The following PCNX1 variants were observed in gnomAD, a reference collection of about 807,000 sequenced individuals.
PCNX1 encodes pecanex-like protein 1.
Under a neutral mutation model 242.2 loss-of-function variants are expected in PCNX1, and 78 were observed. That is an observed-to-expected ratio of 0.32 (90% CI 0.27 to 0.39). The LOEUF (loss-of-function observed/expected upper bound fraction) is 0.39. Among genes scored for constraint, PCNX1 ranks in the 10% least tolerant of loss-of-function variants. The pLI is 1.00. For missense variants in PCNX1, 2,581 were observed against 2,856.5 expected, an observed-to-expected ratio of 0.90 and a Z score of 2.20; for synonymous variants, 1,024 against 1,032.9, an observed-to-expected ratio of 0.99 and a Z score of 0.17.
intron 24 of PCNX1, among the ~76,000 whole-genome samples, chr14:71,054,439 G>A (rs1222317759): frequency 1.3e-5 from 2 of 152,166 alleles, no homozygotes; most frequent in East Asian, 3.8e-4. Flanking sequence ...TTATTGGGAA[G>A]TTGTCAAGCT....
At chr14:70,966,119 A>G (rs1370837028) in intron 3 of PCNX1, among the ~76,000 whole-genome samples, 5 of 152,186 alleles carry the variant, frequency 3.3e-5, no homozygotes, top group Admixed American at 1.3e-4. Flanking sequence ...TGGATATACT[A>G]TAGTTTATAT....
intron 11 of PCNX1, among the ~76,000 whole-genome samples, chr14:71,015,862 A>G (rs2059949849): frequency 6.6e-6 from 1 of 152,020 alleles, no homozygotes; most frequent in African/African-American, 2.4e-5. Context: ...AAAGAACAAC[A>G]CTCAACTCCA....
rs151002767 is a variant in PCNX1 at position 70,953,738 on chromosome 14, C to G, written c.362+6615C>G. 8.6e-3 allele frequency among the ~76,000 whole-genome samples: 1,282 copies of G among 148,528 alleles called. 25 individuals are homozygous for G. The highest frequency in any genetic ancestry group is 0.03 in the African/African-American group (1,208 of 40,248). ...AAGCTGGAGTGCAGTGGCACAGTCT[C>G]AGCTCACTGCAACCTCTGCCTCCTG... On this transcript the variant is annotated intron_variant, in intron 2 of 35. Transcript: ENST00000304743.
intron 2 of PCNX1, among the ~76,000 whole-genome samples, chr14:70,950,527 C>T (rs2057734501): frequency 1.3e-5 from 2 of 152,078 alleles, no homozygotes; most frequent in South Asian, 4.1e-4. Flanking sequence ...ATGCTATGCA[C>T]ATTTATAAGT....
intron 1 of PCNX1, among the ~76,000 whole-genome samples, chr14:70,936,722 G>A (rs558988006): frequency 6.6e-6 from 1 of 152,298 alleles, no homozygotes; most frequent in South Asian, 2.1e-4. Context: ...CTTCCACAAT[G>A]GTTGAACTAG....
chr14:70,949,490 C>T (rs150370976), intron 2 of PCNX1, among the ~76,000 whole-genome samples: 25 of 151,678 alleles, frequency 1.6e-4, no homozygotes, highest in African/African-American at 5.8e-4. Flanking sequence ...ACACACACAC[C>T]TTAAGCAAAT....
At chr14:70,945,693 A>C (rs899858638) in intron 1 of PCNX1, among the ~76,000 whole-genome samples, 5 of 150,622 alleles carry the variant, frequency 3.3e-5, no homozygotes, top group African/African-American at 1.2e-4. Flanking sequence ...TTTGAAATGG[A>C]GTATCACTGT....
intron 28 of PCNX1, among the ~76,000 whole-genome samples, chr14:71,081,813 C>T (rs2061861646): frequency 6.6e-6 from 1 of 152,134 alleles, no homozygotes; most frequent in South Asian, 2.1e-4. Flanking sequence ...AAAACCAGCT[C>T]CTGGATTCAT....
chr14:71,076,214 C>T lies in PCNX1; in HGVS notation c.5132C>T (p.Ser1711Leu). The T allele has an allele frequency of 6.2e-7, 1 of 1,610,692 alleles. No individual in the cohort carries two copies. The highest frequency in any genetic ancestry group is 8.5e-7 in the Non-Finnish European group (1 of 1,177,406). ...VKGIIYYVTT[S>L]SKLEEWLANE... Reference sequence around the variant, plus strand: ...GGTATCATTTATTATGTTACGACCTCGTCTAAGCTAGAGGAGTGGCTAGCT... The same window carrying T: ...GGTATCATTTATTATGTTACGACCTTGTCTAAGCTAGAGGAGTGGCTAGCT... The change falls in exon 28 of 36, where the codon TCG becomes TTG. Residue 1711 changes from serine to leucine, a missense_variant. Transcript: ENST00000304743.
intron 8 of PCNX1, among the ~76,000 whole-genome samples, chr14:71,006,159 G>A (rs1327212742): frequency 3.0e-5 from 3 of 101,618 alleles, no homozygotes; most frequent in African/African-American, 1.2e-4. Context: ...GTGTGTGTGT[G>A]TGTGTGTGTG....
At chr14:71,045,839 A>G (rs2060845165) in intron 20 of PCNX1, among the ~76,000 whole-genome samples, 1 of 152,204 alleles carries the variant, frequency 6.6e-6, no homozygotes, top group African/African-American at 2.4e-5. Context: ...AAGGATGGAA[A>G]AGAGGCTAGT....
At chr14:70,934,290 A>G (rs2056915173) in intron 1 of PCNX1, among the ~76,000 whole-genome samples, 1 of 152,180 alleles carries the variant, frequency 6.6e-6, no homozygotes, top group African/African-American at 2.4e-5. Context: ...ATTTAAGAAG[A>G]CTAAACTGTG....
intron 28 of PCNX1, among the ~76,000 whole-genome samples, chr14:71,077,318 G>A (rs12435675): frequency 0.056 from 8,589 of 152,270 alleles, 352 homozygotes; most frequent in Admixed American, 0.13. Flanking sequence ...CACCACTGCT[G>A]CTTTTTAAGC....
At chr14:71,089,070 G>A (rs2062064646) in intron 29 of PCNX1, 122 bp from the exon 30 acceptor site, 1 of 714,604 alleles carries the variant, frequency 1.4e-6, no homozygotes, top group Non-Finnish European at 2.3e-6. Flanking sequence ...TCTGACATTA[G>A]TTCCTGGAAT....
At chr14:71,080,602 G>A (rs898651877) in intron 28 of PCNX1, among the ~76,000 whole-genome samples, 2 of 152,118 alleles carry the variant, frequency 1.3e-5, no homozygotes, top group Non-Finnish European at 2.9e-5. Context: ...CTTGTAAGCT[G>A]TATTCCTAGG....
Position 71,105,361 on chromosome 14 carries a change from C to G in PCNX1, c.6222C>G (p.Thr2074=). 1 of 1,614,036 alleles carries G rather than the reference C, an allele frequency of 6.2e-7. No individual in the cohort carries two copies. Among genetic ancestry groups the G allele is most frequent in the South Asian group, 1.1e-5 (1 of 91,076 alleles). ...CCAACAATCCCCACAGCAACGTGACCCAGGGAAGCATTGGAAATCCTGGGC... is the reference window on the plus strand; with the variant it reads ...CCAACAATCCCCACAGCAACGTGACGCAGGGAAGCATTGGAAATCCTGGGC... ...TTANNPHSNV[T]QGSIGNPGQG... Residue 2074 remains threonine, a synonymous_variant, in exon 33 of 36, where the codon ACC becomes ACG. Transcript: ENST00000304743.
At chr14:71,106,855 T>C (rs2062637774) in intron 33 of PCNX1, among the ~76,000 whole-genome samples, 2 of 152,242 alleles carry the variant, frequency 1.3e-5, no homozygotes, top group East Asian at 3.8e-4. Flanking sequence ...CAGTTTTCTG[T>C]ACCACAAATA....
intron 3 of PCNX1, among the ~76,000 whole-genome samples, chr14:70,965,088 C>CA (rs2058336981): frequency 6.6e-6 from 1 of 152,100 alleles, no homozygotes; most frequent in Non-Finnish European, 1.5e-5. Flanking sequence ...ACAGTGAACC[C>CA]ACTGACCATA....
chr14:70,974,022 T>A (rs535299686), intron 5 of PCNX1, among the ~76,000 whole-genome samples: 1 of 151,894 alleles, frequency 6.6e-6, no homozygotes, highest in South Asian at 2.1e-4. Flanking sequence ...TTTCTTTGAA[T>A]TTGCCTATTC....
Sources: allele counts gnomAD v4.1 joint callset (sites outside exome capture counted in the v4.1 genomes callset), GRCh38; gene constraint gnomAD v4.1.1; transcripts MANE v1.5; gene names NCBI Gene and HGNC (gene_info 2026-07-23, HGNC 2026-07-21).